PUS7L: variants seen among roughly 807,000 people sequenced by gnomAD.
PUS7L encodes pseudouridylate synthase PUS7L.
In PUS7L, 49 loss-of-function variants were observed where a neutral mutation model predicts 51.1. The ratio of observed to expected loss-of-function variants is 0.96; its 90% CI spans 0.76 to 1.22. The LOEUF (loss-of-function observed/expected upper bound fraction) is 1.22. PUS7L is among the 50% of genes most tolerant of loss of function. The probability of loss-of-function intolerance (pLI) is 0.00; values close to 1 mark genes in which losing one functional copy is unlikely to be tolerated. For missense variants in PUS7L, 828 were observed against 820.6 expected (o/e 1.01, Z -0.11); for synonymous variants, 277 against 276.2 (o/e 1.00, Z -0.03).
rs1410022383 is a variant in PUS7L, at chr12:43,728,179, TA to T, written c.*2196del. ...GCATACTATTAATAATAAAAGTCCT[TA>T]AACAAAAAAAGTTTAACATGGCATC... On this transcript the variant is annotated 3_prime_UTR_variant, in exon 9 of 9. Transcript: ENST00000344862. 2.6e-5 allele frequency: 4 copies of T among 152,086 alleles called. No individual in the cohort carries two copies. The highest frequency in any genetic ancestry group is 9.7e-5 in the African/African-American group (4 of 41,430). The allele number at this position is 152,086 out of a possible 1,614,324, so 9.4% of individuals were successfully genotyped here.
chr12:43,740,229 C>T (rs753343003), intron 5 of PUS7L, among the ~76,000 whole-genome samples: 12 of 152,222 alleles, frequency 7.9e-5, no homozygotes, highest in South Asian at 4.1e-4. Context: ...TTCTAAAGCA[C>T]GTGTCTTAGA....
intron 7 of PUS7L, among the ~76,000 whole-genome samples, chr12:43,734,968 T>C (rs950567378): frequency 5.9e-5 from 9 of 152,184 alleles, no homozygotes; most frequent in African/African-American, 1.9e-4. Context: ...TCAAATGAAT[T>C]TCCTTGCATG....
At chr12:43,731,398 G>C in intron 8 of PUS7L, among the ~76,000 whole-genome samples, 1 of 152,128 alleles carries the variant, frequency 6.6e-6, no homozygotes, top group East Asian at 1.9e-4. Context: ...CAAAACCATA[G>C]TGACAGAAAA....
At chr12:43,752,638 C>CA (rs1565644727) in intron 2 of PUS7L, among the ~76,000 whole-genome samples, 1 of 152,172 alleles carries the variant, frequency 6.6e-6, no homozygotes, top group African/African-American at 2.4e-5. Context: ...TACAAAAAGA[C>CA]AAATACTGTA....
chr12:43,720,335 T>C lies in PUS7L; in HGVS notation c.*10041A>G, dbSNP rs1322142257. On this transcript the variant is annotated 3_prime_UTR_variant, in exon 9 of 9. Coordinates refer to ENST00000344862, the MANE Select transcript of PUS7L (RefSeq NM_031292.5). ...CCCATCTCTAATAAAAATACAAAAA[T>C]TAGCTGGGTATGGTGGCACACGCCT... 6.6e-6 allele frequency: 1 copy of C among 152,064 alleles called. No individual in the cohort carries two copies. The highest frequency in any genetic ancestry group is 1.5e-5 in the Non-Finnish European group (1 of 68,022). The allele number at this position is 152,064 out of a possible 1,614,324, so 9.4% of individuals were successfully genotyped here. A position where few individuals can be genotyped will look rare whatever the true frequency, so the allele number is the denominator to read the frequency against.
rs959155554 is a variant in PUS7L at position 43,727,816 on chromosome 12, T to G, written c.*2560A>C. ...TTTACCCATGTAACAAACCTGCACA[T>G]GTACCCCTAAACCTAAAATAAAAGT... is the stretch of plus-strand genomic sequence containing the variant. On this transcript the variant is annotated 3_prime_UTR_variant, in exon 9 of 9. Coordinates refer to ENST00000344862, the MANE Select transcript of PUS7L (RefSeq NM_031292.5). The G allele has an allele frequency of 5.9e-5, 9 of 152,148 alleles. No individual in the cohort carries two copies. Among genetic ancestry groups the G allele is most frequent in the African/African-American group, 2.2e-4 (9 of 41,404 alleles). The allele number at this position is 152,148 out of a possible 1,614,324, so 9.4% of individuals were successfully genotyped here.
At chr12:43,751,442 G>A (rs970532188) in intron 2 of PUS7L, among the ~76,000 whole-genome samples, 2 of 149,156 alleles carry the variant, frequency 1.3e-5, no homozygotes, top group African/African-American at 4.9e-5. Context: ...GTGAGAACAT[G>A]CAGTGTTTGG....
At chr12:43,755,872 G>A (rs1030241370) in intron 1 of PUS7L, among the ~76,000 whole-genome samples, 1 of 152,214 alleles carries the variant, frequency 6.6e-6, no homozygotes, top group African/African-American at 2.4e-5. Flanking sequence ...TGAGCCAGAG[G>A]AAAGTTCTAA....
At chr12:43,744,415 T>C (rs866850177) in intron 4 of PUS7L, among the ~76,000 whole-genome samples, 1 of 152,216 alleles carries the variant, frequency 6.6e-6, no homozygotes, top group African/African-American at 2.4e-5. Flanking sequence ...GTTTTACAAG[T>C]GTCTGGCATT....
chr12:43,745,768 T>C (rs1174809957), intron 4 of PUS7L, among the ~76,000 whole-genome samples: 1 of 151,696 alleles, frequency 6.6e-6, no homozygotes, highest in Non-Finnish European at 1.5e-5. Context: ...AAATCTCTCT[T>C]ATGAATGTAG....
rs746139458 is a variant in PUS7L at position 43,736,633 on chromosome 12, C to A, written c.1473G>T (p.Met491Ile). Residue 491 changes from methionine (M) to isoleucine (I), a missense_variant, in exon 7 of 9, where the codon ATG (methionine) becomes ATT (isoleucine). By Grantham distance (10) the Met-to-Ile change is conservative. Transcript: ENST00000344862. Reference protein sequence around the residue: ...TEDAKGTLSLMPEFKVRERAL... With the variant: ...TEDAKGTLSLIPEFKVRERAL... The stretch of plus-strand genomic sequence containing the variant: ...CTCTCTCACGCACTTTGAATTCAGG[C>A]ATCAATGAAAGTGTGCCTTTAGCAT... 1 of 1,613,876 alleles carries A rather than the reference C, an allele frequency of 6.2e-7. No individual in the cohort carries two copies. Among genetic ancestry groups the A allele is most frequent in the Non-Finnish European group, 8.5e-7 (1 of 1,179,870 alleles).
intron 2 of PUS7L, among the ~76,000 whole-genome samples, chr12:43,749,603 G>A (rs1291994854): frequency 5.9e-5 from 9 of 152,154 alleles, no homozygotes; most frequent in African/African-American, 1.7e-4. Flanking sequence ...CTAGGAGGTC[G>A]AGGCTGTAGC....
intron 1 of PUS7L, among the ~76,000 whole-genome samples, chr12:43,757,072 T>A (rs1161724775): frequency 6.6e-6 from 1 of 152,226 alleles, no homozygotes; most frequent in Non-Finnish European, 1.5e-5. Flanking sequence ...ACTGTTCCTG[T>A]TGTTTAAATT....
intron 7 of PUS7L, among the ~76,000 whole-genome samples, chr12:43,734,050 G>A (rs962319846): frequency 6.6e-6 from 1 of 152,114 alleles, no homozygotes; most frequent in Admixed American, 6.5e-5. Flanking sequence ...TCATTTTCCA[G>A]GGGACCTCTC....
In PUS7L at chr12:43,730,719, G is replaced by A. The variant is rs1357362482; in HGVS notation, c.1780-17C>T. ...AAGAACCACCTGTGAAAGAAAAGAG[G>A]GAAAAAATATGAAAATAGCCTTCAA... On this transcript the variant is annotated splice_polypyrimidine_tract_variant and intron_variant, in intron 8 of 8. Coordinates refer to ENST00000344862, the MANE Select transcript of PUS7L (RefSeq NM_031292.5). 1.4e-5 allele frequency: 22 copies of A among 1,520,654 alleles called. No homozygotes were observed. The highest frequency in any genetic ancestry group is 7.2e-5 in the South Asian group (6 of 83,260). 94.2% of individuals were successfully genotyped at this position (1,520,654 alleles called of 1,614,324 possible).
intron 1 of PUS7L, among the ~76,000 whole-genome samples, chr12:43,757,119 T>C (rs1052547712): frequency 9.2e-5 from 14 of 152,228 alleles, no homozygotes; most frequent in African/African-American, 3.1e-4. Flanking sequence ...TCTTTTAGGA[T>C]TCATTTCCTC....
intron 1 of PUS7L, chr12:43,758,364 A>G (rs1196862183): frequency 1.0e-6 from 1 of 985,582 alleles, no homozygotes. Context: ...TGCTGCTGAC[A>G]GTGGGCGGGG....
In PUS7L at chr12:43,722,986, T is replaced by C. The variant is rs1237485487; in HGVS notation, c.*7390A>G. ...TTTTAAAATAACCAAATAGCTCTTGTTTTGACTCCATGGCTAAACTCCATC... is the reference window on the plus strand; with the variant it reads ...TTTTAAAATAACCAAATAGCTCTTGCTTTGACTCCATGGCTAAACTCCATC... On this transcript the variant is annotated 3_prime_UTR_variant, in exon 9 of 9. Coordinates refer to ENST00000344862, the MANE Select transcript of PUS7L (RefSeq NM_031292.5). The C allele has an allele frequency of 1.3e-5, 2 of 152,130 alleles. No individual in the cohort carries two copies. Among genetic ancestry groups the C allele is most frequent in the Non-Finnish European group, 2.9e-5 (2 of 67,964 alleles). 9.4% of individuals were successfully genotyped at this position (152,130 alleles called of 1,614,324 possible).
chr12:43,734,258 G>C (rs1944630194), intron 7 of PUS7L, among the ~76,000 whole-genome samples: 3 of 152,282 alleles, frequency 2.0e-5, no homozygotes, highest in Admixed American at 2.0e-4. Flanking sequence ...CTGCAGAGAA[G>C]CAAGTCTAGA....
Sources: gnomAD v4.1 joint callset for allele counts (sites outside exome capture counted in the v4.1 genomes callset) on GRCh38, gnomAD v4.1.1 for gene constraint, MANE v1.5 for transcripts, NCBI Gene and HGNC (gene_info 2026-07-23, HGNC 2026-07-21) for gene names.